USP6: variants seen among roughly 807,000 people sequenced by gnomAD.
USP6 encodes the protein ubiquitin specific peptidase 6.
Under a neutral mutation model 175.7 loss-of-function variants are expected in USP6, and 128 were observed. The observed-to-expected ratio is 0.73, with a 90% CI of 0.63 to 0.84. USP6 has a LOEUF of 0.84. Among genes scored for constraint, USP6 ranks in the 40% least tolerant of loss-of-function variants. USP6 has a pLI of 0.00. For synonymous variants in USP6, 562 were observed against 630.6 expected (o/e 0.89, Z 1.63); for missense variants, 1,498 against 1,760.3 (o/e 0.85, Z 2.67).
At chr17:5,123,418 G>C (rs868651812) in intron 4 of USP6, among the ~76,000 whole-genome samples, 7 of 151,982 alleles carry the variant, frequency 4.6e-5, no homozygotes, top group Non-Finnish European at 7.4e-5. Context: ...CGGGGCCTCC[G>C]TGAAGGCCAG....
In USP6 at chr17:5,172,917, A is replaced by C; in HGVS notation, c.4160A>C (p.Asp1387Ala). The change falls in exon 38 of 38, where the codon GAC becomes GCC. Residue 1387 changes from aspartate (D) to alanine (A), a missense_variant. By Grantham distance (126) the Asp-to-Ala change is moderately radical. Around this residue, in one of 2 missense-constraint regions of USP6, gnomAD observed 1,217 missense variants for 1,500.8 expected, o/e 0.81. Transcript: ENST00000574788. ...LPKIDGKKMA[D>A]TSSTDEDSES... The stretch of plus-strand genomic sequence containing the variant: ...AAGATTGATGGCAAAAAGATGGCAG[A>C]CACAAGCAGTACGGATGAAGACTCT... The C allele has an allele frequency of 6.2e-7, 1 of 1,614,006 alleles. No individual in the cohort carries two copies. The highest frequency in any genetic ancestry group is 8.5e-7 in the Non-Finnish European group (1 of 1,179,874).
intron 28 of USP6, 33 bp downstream of exon 28, chr17:5,146,207 C>A: frequency 6.5e-7 from 1 of 1,549,150 alleles, no homozygotes; most frequent in Non-Finnish European, 8.8e-7. Flanking sequence ...ACTTTTGATT[C>A]TATCCTTCAA....
In USP6 at chr17:5,137,710, GTTGATGCCAATAACCAGCA is replaced by G. The variant is rs1455661941; in HGVS notation, c.889_907del (p.Met297LeufsTer10). 1.7e-5 allele frequency: 27 copies of G among 1,609,108 alleles called. No individual in the cohort carries two copies. The highest frequency in any genetic ancestry group is 2.2e-5 in the Non-Finnish European group (26 of 1,176,626). On this transcript the variant is annotated frameshift_variant, in exon 20 of 38. Coordinates refer to ENST00000574788, the MANE Select transcript of USP6 (RefSeq NM_001304284.2). LOFTEE classifies it high-confidence loss of function. ...TGTATTTGGTGGAAGGAGAACAGGT[GTTGATGCCAATAACCAGCA>G]TTGCTCTTAAGGTTCAGCAGAGTAA...
At position 5,147,076 on chromosome 17, in the gene USP6, T is replaced by C. The variant is rs2073633179; in HGVS notation, c.2320-7T>C. On this transcript the variant is annotated splice_polypyrimidine_tract_variant and splice_region_variant and intron_variant, in intron 28 of 37. Coordinates refer to ENST00000574788, the MANE Select transcript of USP6 (RefSeq NM_001304284.2). ...TCCCCCTTCTCATCTTGCTGCTGTTTCTGTAGAACTTTCCTCAGGATAACC... is the reference window on the plus strand; with the variant it reads ...TCCCCCTTCTCATCTTGCTGCTGTTCCTGTAGAACTTTCCTCAGGATAACC... 1 of 1,609,268 alleles carries C rather than the reference T, an allele frequency of 6.2e-7. No individual in the cohort carries two copies. The highest frequency in any genetic ancestry group is 8.5e-7 in the Non-Finnish European group (1 of 1,177,390).
chr17:5,170,523 A>G lies in USP6; in HGVS notation c.3562A>G (p.Ser1188Gly), dbSNP rs747535544. The change falls in exon 36 of 38, where the codon AGC becomes GGC. Residue 1188 changes from serine (S) to glycine (G), a missense_variant. Coordinates refer to ENST00000574788, the MANE Select transcript of USP6 (RefSeq NM_001304284.2). Reference sequence around the variant, plus strand: ...AAAAAGTGGAACCAGCTGTCCCTCCAGCAAAAACAGCAGCCCTAATAGCAG... The same window carrying G: ...AAAAAGTGGAACCAGCTGTCCCTCCGGCAAAAACAGCAGCCCTAATAGCAG... ...SRKSGTSCPS[S>G]KNSSPNSSPR... The G allele has an allele frequency of 1.6e-5, 25 of 1,611,538 alleles. No individual in the cohort carries two copies. Among genetic ancestry groups the G allele is most frequent in the Non-Finnish European group, 2.1e-5 (25 of 1,179,682 alleles).
At chr17:5,167,789 C>A in intron 33 of USP6, 143 bp from the exon 34 acceptor site, 1 of 1,025,970 alleles carries the variant, frequency 9.7e-7, no homozygotes, top group Non-Finnish European at 1.4e-6. Context: ...CAGGCCTGAG[C>A]CATCATACCC....
intron 5 of USP6, 143 bp from the exon 6 acceptor site, chr17:5,125,678 G>GCACACACACACACACACACACACACA (rs71151842): frequency 7.3e-6 from 1 of 137,592 alleles, no homozygotes; most frequent in African/African-American, 2.8e-5. Context: ...ACACGCACAT[G>GCACACACACACACACACACACACACA]CACACACACA....
At chr17:5,166,141 T>C (rs1415724104) in intron 33 of USP6, among the ~76,000 whole-genome samples, 8 of 152,150 alleles carry the variant, frequency 5.3e-5, no homozygotes, top group Non-Finnish European at 1.2e-4. Context: ...ACGTGTTTTT[T>C]CCTTGAGTGA....
chr17:5,150,069 G>A (rs1423225932), intron 30 of USP6, among the ~76,000 whole-genome samples: 1 of 152,052 alleles, frequency 6.6e-6, no homozygotes, highest in South Asian at 2.1e-4. Context: ...TGAGACAGGT[G>A]GATCATGAGG....
At chr17:5,143,087 G>T (rs542515429) in intron 25 of USP6, among the ~76,000 whole-genome samples, 1 of 152,144 alleles carries the variant, frequency 6.6e-6, no homozygotes, top group Non-Finnish European at 1.5e-5. Context: ...GAGGTCGGGG[G>T]GTCAGCCCCC....
chr17:5,150,596 G>A (rs1396761490), intron 30 of USP6, among the ~76,000 whole-genome samples: 7 of 151,408 alleles, frequency 4.6e-5, no homozygotes, highest in Non-Finnish European at 8.8e-5. Context: ...CTGGGTTCAA[G>A]CAATTCTCCT....
At position 5,172,571 on chromosome 17, in the gene USP6, G is replaced by A. The variant is rs9910724; in HGVS notation, c.4048-234G>A. ...ACAAAATAAATAATTAGAATTTGAT[G>A]GGGTTTTAGGTCATTCTGTTTTGAC... On this transcript the variant is annotated intron_variant, in intron 37 of 37. Coordinates refer to ENST00000574788, the MANE Select transcript of USP6 (RefSeq NM_001304284.2). Among the ~76,000 whole-genome samples the A allele has an allele frequency of 6.5e-3, 992 of 152,196 alleles. 13 individuals are homozygous for A. The highest frequency in any genetic ancestry group is 0.022 in the African/African-American group (926 of 41,512).
intron 30 of USP6, among the ~76,000 whole-genome samples, chr17:5,149,598 C>A (rs895936494): frequency 1.3e-5 from 2 of 152,088 alleles, no homozygotes; most frequent in African/African-American, 4.8e-5. Context: ...AACCAACACA[C>A]ACAAAATTTA....
intron 4 of USP6, among the ~76,000 whole-genome samples, chr17:5,123,897 G>A (rs892066638): frequency 1.4e-5 from 2 of 144,584 alleles, no homozygotes; most frequent in East Asian, 4.0e-4. Flanking sequence ...GCGCAAGCAC[G>A]CACGTGCGCA....
chr17:5,151,406 A>G (rs1309015279), intron 30 of USP6, among the ~76,000 whole-genome samples: 2 of 150,710 alleles, frequency 1.3e-5, no homozygotes, highest in Non-Finnish European at 2.9e-5. Context: ...TTAATGCACA[A>G]TCCCAATAAA....
chr17:5,146,402 T>C (rs1162232937), intron 28 of USP6, among the ~76,000 whole-genome samples: 2 of 152,138 alleles, frequency 1.3e-5, no homozygotes, highest in Admixed American at 6.5e-5. Context: ...AAGGGAAATA[T>C]GTAAGGCTGC....
intron 3 of USP6, 53 bp downstream of exon 3, chr17:5,120,841 T>A: frequency 2.2e-6 from 1 of 454,338 alleles, no homozygotes; most frequent in Non-Finnish European, 4.4e-6. Flanking sequence ...ATGTGCTGCA[T>A]GCTGGTGCAG....
At chr17:5,138,031 C>T in intron 20 of USP6, 90 bp from the exon 21 acceptor site, 2 of 1,603,130 alleles carry the variant, frequency 1.2e-6, no homozygotes, top group Non-Finnish European at 1.7e-6. Flanking sequence ...GGATTCGGCA[C>T]CGCCCAGTGG....
chr17:5,161,463 T>C, intron 31 of USP6, 65 bp from the exon 32 acceptor site: 1 of 1,535,758 alleles, frequency 6.5e-7, no homozygotes, highest in South Asian at 1.1e-5. Context: ...CAAGAGAAGA[T>C]GAAAAGGAGT....
Sources: allele counts gnomAD v4.1 joint callset (sites outside exome capture counted in the v4.1 genomes callset), GRCh38; gene constraint gnomAD v4.1.1; regional missense constraint gnomAD v4.1.1; transcripts MANE v1.5; gene names NCBI Gene and HGNC (gene_info 2026-07-23, HGNC 2026-07-21).